Variants in TNRC6B observed in about 807,000 individuals in gnomAD.
TNRC6B encodes the protein trinucleotide repeat-containing gene 6B protein.
A neutral mutation model predicts 203.6 loss-of-function variants in TNRC6B; 52 were observed. That is an observed-to-expected ratio of 0.26 (90% CI 0.20 to 0.32). TNRC6B has a LOEUF of 0.32. TNRC6B is among the 10% of genes least tolerant of loss of function. TNRC6B has a pLI of 1.00. For missense variants in TNRC6B, 1,923 were observed against 2,286.2 expected (o/e 0.84, Z 3.24); for synonymous variants, 838 against 845.7 (o/e 0.99, Z 0.16).
At chr22:40,099,806 A>C (rs1323566133) in intron 1 of TNRC6B, among the ~76,000 whole-genome samples, 2 of 152,234 alleles carry the variant, frequency 1.3e-5, no homozygotes, top group Admixed American at 1.3e-4. Context: ...GCTGGAGTGC[A>C]GTGGTGCAAT....
chr22:40,315,352 A>T lies in TNRC6B; in HGVS notation c.4748A>T (p.Asn1583Ile), dbSNP rs1300926818. 1.2e-6 allele frequency: 2 copies of T among 1,613,954 alleles called. No individual in the cohort carries two copies. Among genetic ancestry groups the T allele is most frequent in the Non-Finnish European group, 1.7e-6 (2 of 1,179,880 alleles). The part of the protein sequence containing the change: ...PIGHNPTHLS[N>I]KMWKNHISSR... ...GGACACAACCCCACTCATCTCTCCA[A>T]CAAGATGTGGAAAAACCATATTTCC... is the stretch of plus-strand genomic sequence containing the variant. The change falls in exon 20 of 23, where the codon AAC (asparagine) becomes ATC (isoleucine). Residue 1583 changes from asparagine (N) to isoleucine (I), a missense_variant. Asn to Ile is a moderately radical substitution (Grantham distance 149). Coordinates refer to ENST00000454349, the MANE Select transcript of TNRC6B (RefSeq NM_001162501.2).
upstream of TNRC6B, among the ~76,000 whole-genome samples, chr22:40,173,796 T>TATATATATATATAA (rs1569007771): frequency 2.2e-5 from 1 of 45,612 alleles, no homozygotes; most frequent in Admixed American, 2.7e-4. Context: ...TATATATATT[T>TATATATATATATAA]TTTTTTTTTT....
chr22:40,313,934 T>C (rs1218428447), intron 19 of TNRC6B, among the ~76,000 whole-genome samples: 4 of 152,240 alleles, frequency 2.6e-5, no homozygotes, highest in Non-Finnish European at 5.9e-5. Flanking sequence ...CAGATATAAC[T>C]TGCCTCAGTT....
chr22:40,258,071 CTT>C (rs56078653), intron 3 of TNRC6B, among the ~76,000 whole-genome samples: 7,656 of 28,236 alleles, frequency 0.27, 773 homozygotes, highest in African/African-American at 0.42. Context: ...GATACACAGC[CTT>C]TTTTTTTTTT....
intron 4 of TNRC6B, among the ~76,000 whole-genome samples, chr22:40,162,177 A>C (rs1353924832): frequency 5.9e-5 from 9 of 152,118 alleles, no homozygotes; most frequent in African/African-American, 1.2e-4. Context: ...GCTCACTGCA[A>C]CCTCAACCTC....
At chr22:40,122,086 T>C (rs1418583648) in intron 2 of TNRC6B, among the ~76,000 whole-genome samples, 1 of 152,256 alleles carries the variant, frequency 6.6e-6, no homozygotes, top group African/African-American at 2.4e-5. Flanking sequence ...TATCAAAATT[T>C]TGGTGCCACG....
In TNRC6B at chr22:40,301,291, C is replaced by T. The variant is rs540584808; in HGVS notation, c.4078C>T (p.Pro1360Ser). The T allele has an allele frequency of 1.2e-6, 2 of 1,603,238 alleles. No homozygotes were observed. Among genetic ancestry groups the T allele is most frequent in the East Asian group, 2.2e-5 (1 of 44,618 alleles). ...MVPNALNVGL[P>S]DLQTKGPIPG... ...ACCCAACGCATTGAATGTGGGGCTC[C>T]CAGACCTTCAAACCAAAGGGCCAAT... The change falls in exon 15 of 23, where the codon CCA (proline) becomes TCA (serine). Residue 1360 changes from proline (P) to serine (S), a missense_variant. Pro to Ser is a moderately conservative substitution (Grantham distance 74, BLOSUM62 -1). This residue lies in a region of TNRC6B where 242 missense variants were observed against 399.5 expected (regional missense o/e 0.61). Coordinates refer to ENST00000454349, the MANE Select transcript of TNRC6B (RefSeq NM_001162501.2).
At chr22:40,248,679 T>C (rs1330961123) in intron 2 of TNRC6B, among the ~76,000 whole-genome samples, 3 of 152,332 alleles carry the variant, frequency 2.0e-5, no homozygotes, top group Non-Finnish European at 4.4e-5. Context: ...GTCTCTCCTA[T>C]GTGCCTTCAT....
At chr22:40,213,367 C>T (rs187373171) in intron 1 of TNRC6B, among the ~76,000 whole-genome samples, 11 of 152,194 alleles carry the variant, frequency 7.2e-5, no homozygotes, top group Non-Finnish European at 1.5e-4. Flanking sequence ...AGTATTGATA[C>T]GAGCAGTGAC....
At chr22:40,242,035 C>T (rs2070035554) in intron 1 of TNRC6B, among the ~76,000 whole-genome samples, 1 of 152,074 alleles carries the variant, frequency 6.6e-6, no homozygotes, top group African/African-American at 2.4e-5. Context: ...CTTATGCTAC[C>T]CCCAGAATTA....
At chr22:40,310,239 C>G (rs2071155888) in intron 16 of TNRC6B, among the ~76,000 whole-genome samples, 1 of 152,180 alleles carries the variant, frequency 6.6e-6, no homozygotes, top group African/African-American at 2.4e-5. Flanking sequence ...CATTGCTGGT[C>G]TTGTGCTGGC....
At chr22:40,312,385 T>C (rs1033311935) in intron 17 of TNRC6B, 120 bp from the exon 18 acceptor site, 1 of 1,060,324 alleles carries the variant, frequency 9.4e-7, no homozygotes, top group Admixed American at 3.1e-5. Context: ...GATGAAAATC[T>C]AAGAGACAAT....
chr22:40,331,365 CTTTA>C lies in TNRC6B; in HGVS notation c.*8128_*8131del, dbSNP rs1367512433. ...AGTTGAACACAGAAATCTGCAGTGTCTTTATTTGTTTTTATGTTTTAAACAATTT... is the reference window on the plus strand; with the variant it reads ...AGTTGAACACAGAAATCTGCAGTGTCTTTGTTTTTATGTTTTAAACAATTT... On this transcript the variant is annotated 3_prime_UTR_variant, in exon 23 of 23. Transcript: ENST00000454349. The C allele has an allele frequency of 1.3e-5, 3 of 239,190 alleles. No homozygotes were observed. Among genetic ancestry groups the C allele is most frequent in the Admixed American group, 5.6e-5 (1 of 17,790 alleles). 14.8% of individuals were successfully genotyped at this position (239,190 alleles called of 1,614,324 possible). A position where few individuals can be genotyped will look rare whatever the true frequency, so the allele number is the denominator to read the frequency against.
chr22:40,280,979 A>G, intron 10 of TNRC6B, 140 bp from the exon 11 acceptor site: 1 of 666,768 alleles, frequency 1.5e-6, no homozygotes, highest in Non-Finnish European at 2.4e-6. Flanking sequence ...GATTATTATC[A>G]GATCCAAATT....
chr22:40,308,872 G>A (rs1348181778), intron 16 of TNRC6B, among the ~76,000 whole-genome samples: 1 of 152,252 alleles, frequency 6.6e-6, no homozygotes, highest in African/African-American at 2.4e-5. Context: ...ATGATTGAGG[G>A]TGGTAGCAGT....
At chr22:40,107,123 C>T in intron 1 of TNRC6B, 1 of 607,964 alleles carries the variant, frequency 1.6e-6, no homozygotes, top group Non-Finnish European at 2.9e-6. Flanking sequence ...TCTTAATTTT[C>T]ATGTAGTCAT....
At chr22:40,054,131 A>T (rs1026132509) in intron 1 of TNRC6B, among the ~76,000 whole-genome samples, 6 of 152,160 alleles carry the variant, frequency 3.9e-5, no homozygotes, top group Non-Finnish European at 8.8e-5. Flanking sequence ...GTGGGAGGCT[A>T]GCTTGAGCCT....
At chr22:40,054,832 GT>G (rs928267521) in intron 1 of TNRC6B, among the ~76,000 whole-genome samples, 7 of 151,504 alleles carry the variant, frequency 4.6e-5, no homozygotes, top group African/African-American at 1.5e-4. Context: ...GAGTCCAGGA[GT>G]TCGAGACCAG....
chr22:40,169,182 A>G (rs1176781286), intron 4 of TNRC6B, among the ~76,000 whole-genome samples: 1 of 132,140 alleles, frequency 7.6e-6, no homozygotes, highest in African/African-American at 3.0e-5. Context: ...GCCAGGCTGG[A>G]GTGCAGTGGC....
Sources: gnomAD v4.1 joint callset for allele counts (sites outside exome capture counted in the v4.1 genomes callset) on GRCh38, gnomAD v4.1.1 for gene constraint, gnomAD v4.1.1 regional missense constraint, MANE v1.5 for transcripts, NCBI Gene and HGNC (gene_info 2026-07-23, HGNC 2026-07-21) for gene names.